Variants in JAK1 observed in about 807,000 individuals in gnomAD.
JAK1 encodes the protein Janus kinase 1.
Under a neutral mutation model 136.6 loss-of-function variants are expected in JAK1, and 16 were observed. That is an observed-to-expected ratio of 0.12 (90% confidence interval 0.08 to 0.18). JAK1 has a LOEUF of 0.18. Among genes scored for constraint, JAK1 ranks in the 10% least tolerant of loss-of-function variants. JAK1 has a pLI of 1.00. For synonymous variants in JAK1, 492 were observed against 519.5 expected, an observed-to-expected ratio of 0.95 and a Z score of 0.72; for missense variants, 859 against 1,450.1, an observed-to-expected ratio of 0.59 and a Z score of 6.62.
chr1:65,042,750 A>G (rs1647146672), intron 2 of JAK1, among the ~76,000 whole-genome samples: 2 of 152,184 alleles, frequency 1.3e-5, no homozygotes, highest in Admixed American at 1.3e-4. Flanking sequence ...TGGTCTACAG[A>G]GAACTAAACT....
intron 1 of JAK1, among the ~76,000 whole-genome samples, chr1:65,050,291 AC>A (rs1456175456): frequency 6.6e-6 from 1 of 152,204 alleles, no homozygotes; most frequent in Non-Finnish European, 1.5e-5. Flanking sequence ...CCCGCAACAC[AC>A]GTGATTCAAC....
intron 2 of JAK1, among the ~76,000 whole-genome samples, chr1:65,024,219 A>T (rs1646959363): frequency 1.3e-5 from 2 of 152,122 alleles, no homozygotes; most frequent in Admixed American, 1.3e-4. Context: ...CTACATTCCT[A>T]CCAGCAAGGT....
At chr1:65,064,925 A>T (rs1647973985) in intron 1 of JAK1, among the ~76,000 whole-genome samples, 1 of 152,224 alleles carries the variant, frequency 6.6e-6, no homozygotes, top group Non-Finnish European at 1.5e-5. Flanking sequence ...CATCCTATTT[A>T]TCATTCAGTG....
intron 2 of JAK1, chr1:64,985,441 CTTCTT>C: frequency 6.2e-7 from 1 of 1,607,268 alleles, no homozygotes; most frequent in Non-Finnish European, 8.5e-7. Flanking sequence ...GCATTCTCCT[CTTCTT>C]TTCTGTTAAT....
At chr1:64,888,523 T>A (rs920356409) in intron 1 of JAK1, among the ~76,000 whole-genome samples, 1 of 152,210 alleles carries the variant, frequency 6.6e-6, no homozygotes, top group African/African-American at 2.4e-5. Flanking sequence ...GACCATGTGT[T>A]ACTTCAACTT....
intron 15 of JAK1, 139 bp downstream of exon 15, chr1:64,845,374 T>C (rs1391037953): frequency 7.4e-6 from 7 of 948,946 alleles, no homozygotes; most frequent in African/African-American, 1.6e-5. Flanking sequence ...GGCACACCTT[T>C]GTTCAACCAC....
chr1:65,041,823 G>A (rs1027603575), intron 2 of JAK1, among the ~76,000 whole-genome samples: 1 of 152,224 alleles, frequency 6.6e-6, no homozygotes, highest in African/African-American at 2.4e-5. Flanking sequence ...TGGATCACCT[G>A]AGTTCAGGAG....
intron 1 of JAK1, among the ~76,000 whole-genome samples, chr1:64,922,333 T>C (rs1301814509): frequency 6.6e-6 from 1 of 152,302 alleles, no homozygotes; most frequent in East Asian, 1.9e-4. Context: ...GAGAGATGCA[T>C]TCTGTATCTT....
At chr1:64,851,650 G>C (rs750198155) in intron 11 of JAK1, among the ~76,000 whole-genome samples, 1 of 152,170 alleles carries the variant, frequency 6.6e-6, no homozygotes, top group Non-Finnish European at 1.5e-5. Flanking sequence ...CTCGAGGCCA[G>C]GAAATCTACA....
At chr1:64,959,291 G>A (rs1009959652) in intron 1 of JAK1, among the ~76,000 whole-genome samples, 1 of 152,150 alleles carries the variant, frequency 6.6e-6, no homozygotes, top group Non-Finnish European at 1.5e-5. Context: ...AGGAGGAAGG[G>A]CCAACTCTTT....
At chr1:65,040,491 C>A (rs957508467) in intron 2 of JAK1, among the ~76,000 whole-genome samples, 1 of 152,136 alleles carries the variant, frequency 6.6e-6, no homozygotes, top group Non-Finnish European at 1.5e-5. Context: ...ACCTTACAAT[C>A]GGGATGAGCA....
At chr1:64,935,949 A>C (rs2100482713) in intron 1 of JAK1, among the ~76,000 whole-genome samples, 1 of 152,164 alleles carries the variant, frequency 6.6e-6, no homozygotes, top group East Asian at 1.9e-4. Flanking sequence ...GTGTCTCAAC[A>C]CCTAGGACAG....
intron 1 of JAK1, among the ~76,000 whole-genome samples, chr1:64,920,902 T>C (rs1208112546): frequency 6.6e-6 from 1 of 152,200 alleles, no homozygotes; most frequent in Non-Finnish European, 1.5e-5. Flanking sequence ...CTGTCCCTAA[T>C]ATCCTACTGA....
At chr1:64,951,018 T>C (rs1646076293) in intron 1 of JAK1, among the ~76,000 whole-genome samples, 2 of 152,202 alleles carry the variant, frequency 1.3e-5, no homozygotes, top group African/African-American at 4.8e-5. Context: ...CATTGTGTGC[T>C]AATAACCCTT....
intron 2 of JAK1, among the ~76,000 whole-genome samples, chr1:65,001,675 G>A (rs1646758230): frequency 8.2e-6 from 1 of 121,750 alleles, no homozygotes; most frequent in South Asian, 2.9e-4. Context: ...GAAAGTGTGT[G>A]TGTGGGGGGG....
intron 1 of JAK1, among the ~76,000 whole-genome samples, chr1:65,047,075 G>C (rs991615928): frequency 1.3e-5 from 2 of 151,746 alleles, no homozygotes; most frequent in African/African-American, 4.8e-5. Context: ...TGTAGTCCTA[G>C]TTACTTGGAG....
intron 19 of JAK1, 109 bp from the exon 20 acceptor site, chr1:64,839,904 G>A (rs980508684): frequency 1.7e-5 from 15 of 877,634 alleles, no homozygotes; most frequent in South Asian, 3.7e-5. Context: ...AGGGGTTCTC[G>A]CTGTCTGGCC....
intron 2 of JAK1, among the ~76,000 whole-genome samples, chr1:64,989,000 G>GTATA (rs1343195557): frequency 7.2e-4 from 66 of 91,856 alleles, no homozygotes; most frequent in South Asian, 3.2e-3. Flanking sequence ...GTGTGTGTGT[G>GTATA]TGTATATATA....
At chr1:64,907,901 T>C (rs1048880670) in intron 1 of JAK1, among the ~76,000 whole-genome samples, 1 of 152,192 alleles carries the variant, frequency 6.6e-6, no homozygotes, top group Non-Finnish European at 1.5e-5. Flanking sequence ...ACTGTATTCA[T>C]TAATTGAAAT....
Sources: allele counts gnomAD v4.1 joint callset (sites outside exome capture counted in the v4.1 genomes callset), GRCh38; gene constraint gnomAD v4.1.1; transcripts MANE v1.5; gene names NCBI Gene and HGNC (gene_info 2026-07-23, HGNC 2026-07-21).